Variants in LPIN2 observed in about 807,000 individuals in gnomAD.
LPIN2 encodes the protein phosphatidate phosphatase LPIN2.
A neutral mutation model predicts 111.4 loss-of-function variants in LPIN2; 55 were observed. The observed-to-expected ratio is 0.49, with a 90% CI of 0.40 to 0.62. LPIN2 has a LOEUF of 0.62. LPIN2 is among the 20% of genes least tolerant of loss of function. LPIN2 has a pLI of 0.00. For missense variants in LPIN2, 992 were observed against 1,112.1 expected, an observed-to-expected ratio of 0.89 and a Z score of 1.54; for synonymous variants, 425 against 414.0, an observed-to-expected ratio of 1.03 and a Z score of -0.32.
rs2144209857 is a variant in LPIN2 at position 2,940,653 on chromosome 18, G to C, written c.650C>G (p.Ser217Cys). 1.9e-6 allele frequency: 3 copies of C among 1,613,446 alleles called. No individual in the cohort carries two copies. Among genetic ancestry groups the C allele is most frequent in the Non-Finnish European group, 2.5e-6 (3 of 1,179,562 alleles). Residue 217 changes from serine to cysteine, a missense_variant, in exon 5 of 20, where the codon TCT (serine) becomes TGT (cysteine). Ser to Cys is a moderately radical substitution (Grantham distance 112). Coordinates refer to ENST00000677752, the MANE Select transcript of LPIN2 (RefSeq NM_001375808.2). ...EECKEPLLFH[S>C]GDHYPLSDGD... is the part of the protein sequence containing the mutation. ...ATCAGATAAGGGGTAATGATCCCCAGAATGGAAGAGCAAAGGCTCTTTACA... is the reference window on the plus strand; with the variant it reads ...ATCAGATAAGGGGTAATGATCCCCACAATGGAAGAGCAAAGGCTCTTTACA...
intron 4 of LPIN2, among the ~76,000 whole-genome samples, chr18:2,949,561 A>C (rs544354977): frequency 5.6e-4 from 85 of 152,316 alleles, no homozygotes; most frequent in African/African-American, 2.0e-3. Context: ...GTAAGACAGA[A>C]CACCACAGAC....
intron 1 of LPIN2, among the ~76,000 whole-genome samples, chr18:2,961,964 TTGAGC>T: frequency 6.6e-6 from 1 of 152,214 alleles, no homozygotes; most frequent in East Asian, 1.9e-4. Context: ...GGAGGCTGCC[TTGAGC>T]TTAAAGGTCC....
intron 4 of LPIN2, chr18:2,945,635 T>G (rs1316392146): frequency 1.4e-6 from 2 of 1,476,878 alleles, no homozygotes; most frequent in African/African-American, 2.8e-5. Context: ...GCTTTTCTCA[T>G]AGTGATTTCA....
chr18:2,968,488 AAG>A (rs1293851090), intron 1 of LPIN2, among the ~76,000 whole-genome samples: 1 of 152,174 alleles, frequency 6.6e-6, no homozygotes, highest in African/African-American at 2.4e-5. Context: ...TGGTTCTTGA[AAG>A]AGATATAACA....
chr18:2,931,129 A>G (rs1289370965), intron 9 of LPIN2, 127 bp downstream of exon 9: 1 of 1,118,930 alleles, frequency 8.9e-7, no homozygotes, highest in Non-Finnish European at 1.3e-6. Context: ...ATTACAGAAC[A>G]TACCTGTTAC....
chr18:2,920,453 G>A lies in LPIN2; in HGVS notation c.2547-16C>T, dbSNP rs781342119. 3.1e-6 allele frequency: 5 copies of A among 1,613,362 alleles called. No homozygotes were observed. Among genetic ancestry groups the A allele is most frequent in the African/African-American group, 2.7e-5 (2 of 75,032 alleles). ...CCTGTGATACCTAAGAGAAAGGTTG[G>A]GGAAGAGGCACAGGCTATTACTTCA... On this transcript the variant is annotated splice_polypyrimidine_tract_variant and intron_variant, in intron 19 of 19. Transcript: ENST00000677752.
chr18:2,920,292 C>G lies in LPIN2; in HGVS notation c.*1G>C, dbSNP rs1240740149. 1 of 1,614,136 alleles carries G rather than the reference C, an allele frequency of 6.2e-7. No individual in the cohort carries two copies. The highest frequency in any genetic ancestry group is 1.1e-5 in the South Asian group (1 of 91,088). ...CCCTGCCCACCCACTGAGGTGCCGC[C>G]TCAAGACAGGTCATCCAGGTCCACT... On this transcript the variant is annotated 3_prime_UTR_variant, in exon 20 of 20. Transcript: ENST00000677752.
At chr18:2,995,057 G>A (rs2078321268) in intron 1 of LPIN2, among the ~76,000 whole-genome samples, 1 of 152,138 alleles carries the variant, frequency 6.6e-6, no homozygotes, top group African/African-American at 2.4e-5. Flanking sequence ...CCTTCATATA[G>A]CAGGGTTCAG....
intron 1 of LPIN2, among the ~76,000 whole-genome samples, chr18:3,011,553 G>A (rs952986007): frequency 5.3e-5 from 8 of 152,126 alleles, no homozygotes; most frequent in Admixed American, 5.2e-4. Context: ...TGAGTGTGGT[G>A]GCTCATGCCT....
chr18:2,953,502 G>C (rs957590118), intron 3 of LPIN2, among the ~76,000 whole-genome samples: 1 of 152,154 alleles, frequency 6.6e-6, no homozygotes, highest in Non-Finnish European at 1.5e-5. Flanking sequence ...GCACCAGTCT[G>C]ATCAAGCTTC....
chr18:2,934,846 C>G (rs2077263772), intron 7 of LPIN2, among the ~76,000 whole-genome samples: 1 of 152,198 alleles, frequency 6.6e-6, no homozygotes, highest in South Asian at 2.1e-4. Context: ...TGTCTGGGCA[C>G]AGGATATTCA....
intron 1 of LPIN2, among the ~76,000 whole-genome samples, chr18:2,978,203 A>T (rs892197045): frequency 6.7e-6 from 1 of 149,492 alleles, no homozygotes; most frequent in African/African-American, 2.4e-5. Context: ...AATAAAAAAT[A>T]AAAAAAAAAG....
intron 1 of LPIN2, among the ~76,000 whole-genome samples, chr18:2,985,857 G>A (rs1285506887): frequency 7.9e-5 from 12 of 152,090 alleles, no homozygotes. Flanking sequence ...CTTGCTCCTG[G>A]ATTACCAATG....
chr18:2,972,362 G>A (rs2077933892), intron 1 of LPIN2: 1 of 152,232 alleles, frequency 6.6e-6, no homozygotes, highest in South Asian at 2.1e-4. Flanking sequence ...TCAGTGTGAA[G>A]TCAGCCGAGG....
At chr18:2,935,082 G>A (rs1330536799) in intron 7 of LPIN2, among the ~76,000 whole-genome samples, 1 of 152,230 alleles carries the variant, frequency 6.6e-6, no homozygotes, top group South Asian at 2.1e-4. Context: ...CCACTCTAGT[G>A]ACCACCAGCC....
chr18:2,921,306 C>G, intron 18 of LPIN2: 1 of 601,906 alleles, frequency 1.7e-6, no homozygotes, highest in African/African-American at 1.9e-5. Context: ...GCCACAGAAA[C>G]GATGGAAAAG....
Position 2,959,645 on chromosome 18 carries a change from C to A in LPIN2, c.192+1004G>T, listed in dbSNP as rs7234818. Among the ~76,000 whole-genome samples the A allele has an allele frequency of 7.4e-3, 1,120 of 152,326 alleles. 16 individuals are homozygous for A. Among genetic ancestry groups the A allele is most frequent in the African/African-American group, 0.026 (1,067 of 41,578 alleles). On this transcript the variant is annotated intron_variant, in intron 2 of 19. Transcript: ENST00000677752. ...TCAGATATACTAGCAAAACTTCCAG[C>A]TGCTCCATAACCTGAAGAGGATAAG...
rs750268013 is a variant in LPIN2, at chr18:2,939,598, T to C, written c.704A>G (p.Tyr235Cys). ...DGDWSPLETT[Y>C]PQTACPKSDS... ...ACTCTTAGGACACGCTGTCTGGGGA[T>C]AGGTGCTGCAAAGAGAACAAAGACA... Residue 235 changes from tyrosine to cysteine, a missense_variant, in exon 6 of 20, where the codon TAT becomes TGT. By Grantham distance (194) the Tyr-to-Cys change is radical. Coordinates refer to ENST00000677752, the MANE Select transcript of LPIN2 (RefSeq NM_001375808.2). 9 of 1,613,254 alleles carry C rather than the reference T, an allele frequency of 5.6e-6. No homozygotes were observed. Among genetic ancestry groups the C allele is most frequent in the East Asian group, 2.2e-5 (1 of 44,882 alleles).
intron 3 of LPIN2, among the ~76,000 whole-genome samples, chr18:2,952,400 G>A (rs1329718318): frequency 2.4e-4 from 37 of 151,972 alleles, no homozygotes; most frequent in Admixed American, 2.4e-3. Flanking sequence ...CTCCAGCCTG[G>A]GCAACAGAGC....
Sources: allele counts gnomAD v4.1 joint callset (sites outside exome capture counted in the v4.1 genomes callset), GRCh38; gene constraint gnomAD v4.1.1; transcripts MANE v1.5; gene names NCBI Gene and HGNC (gene_info 2026-07-23, HGNC 2026-07-21).